The following INPP5D variants were observed in gnomAD, a reference collection of about 807,000 sequenced individuals.
INPP5D encodes phosphatidylinositol 3,4,5-trisphosphate 5-phosphatase 1.
Under a neutral mutation model 122.9 loss-of-function variants are expected in INPP5D, and 33 were observed. The observed-to-expected ratio is 0.27, with a 90% CI of 0.20 to 0.36. The LOEUF is 0.36. Among genes scored for constraint, INPP5D ranks in the 10% least tolerant of loss-of-function variants. The probability of loss-of-function intolerance (pLI) is 1.00; values close to 1 mark genes in which losing one functional copy is unlikely to be tolerated. For synonymous variants in INPP5D, 584 were observed against 576.2 expected (o/e 1.01, Z -0.19); for missense variants, 1,053 against 1,412.7 (o/e 0.75, Z 4.08).
intron 17 of INPP5D, among the ~76,000 whole-genome samples, chr2:233,176,404 G>A (rs1429074957): frequency 6.9e-6 from 1 of 144,624 alleles, no homozygotes. Flanking sequence ...TGGATGGATA[G>A]ATAGATGGAT....
At chr2:233,106,666 C>G (rs1692477266) in intron 2 of INPP5D, among the ~76,000 whole-genome samples, 1 of 152,232 alleles carries the variant, frequency 6.6e-6, no homozygotes, top group Admixed American at 6.5e-5. Flanking sequence ...GTGCAGAAAC[C>G]TTTCCCATAG....
intron 9 of INPP5D, among the ~76,000 whole-genome samples, chr2:233,155,899 A>G (rs191967772): frequency 6.6e-6 from 1 of 152,316 alleles, no homozygotes; most frequent in Admixed American, 6.5e-5. Context: ...AGCAAAAGAT[A>G]GATTACGCCC....
intron 1 of INPP5D, among the ~76,000 whole-genome samples, chr2:233,074,732 T>C (rs1691470855): frequency 6.6e-6 from 1 of 151,964 alleles, no homozygotes; most frequent in South Asian, 2.1e-4. Flanking sequence ...ACAAAAACAT[T>C]AGAAATTAGA....
chr2:233,107,597 A>C (rs1189039588), intron 2 of INPP5D, among the ~76,000 whole-genome samples: 1 of 152,164 alleles, frequency 6.6e-6, no homozygotes, highest in African/African-American at 2.4e-5. Flanking sequence ...GGCGAGAGGA[A>C]TGTCGAAGAA....
chr2:233,127,897 T>G (rs1693210074), intron 4 of INPP5D, among the ~76,000 whole-genome samples: 4 of 152,178 alleles, frequency 2.6e-5, no homozygotes, highest in Admixed American at 2.0e-4. Flanking sequence ...CATGAGCCAC[T>G]GTGCCCAGCC....
intron 2 of INPP5D, among the ~76,000 whole-genome samples, chr2:233,109,356 G>A (rs1207522700): frequency 6.6e-6 from 1 of 152,230 alleles, no homozygotes; most frequent in Non-Finnish European, 1.5e-5. Context: ...GGCTGCTGCA[G>A]TCACCTCACC....
intron 2 of INPP5D, among the ~76,000 whole-genome samples, chr2:233,109,642 G>A (rs949805191): frequency 1.3e-5 from 2 of 151,728 alleles, no homozygotes; most frequent in African/African-American, 2.4e-5. Context: ...ACAATGGCGC[G>A]ATCTCGGCTC....
At position 233,160,101 on chromosome 2, in the gene INPP5D, G is replaced by A. The variant is rs1253917404; in HGVS notation, c.1138-1623G>A. On this transcript the variant is annotated intron_variant, in intron 10 of 26. Transcript: ENST00000445964. This position sits in a 1 kb window ranked among gnomAD's most constrained non-coding sequence, Gnocchi z 4.2. ...AGGCACAGGGATAAATGGAGGCCAT[G>A]AATCTTGAGCCACTCCCAACTCGAG... Among the ~76,000 whole-genome samples, 1 of 152,192 alleles carries A rather than the reference G, an allele frequency of 6.6e-6. No individual in the cohort carries two copies. The highest frequency in any genetic ancestry group is 2.4e-5 in the African/African-American group (1 of 41,442).
At chr2:233,109,141 T>A (rs1395380957) in intron 2 of INPP5D, among the ~76,000 whole-genome samples, 6 of 152,240 alleles carry the variant, frequency 3.9e-5, no homozygotes, top group Non-Finnish European at 2.9e-5. Context: ...CTTGCTCTTC[T>A]GTGGATGGAA....
intron 9 of INPP5D, among the ~76,000 whole-genome samples, chr2:233,155,623 AAAATAAAT>A (rs1189446853): frequency 3.9e-5 from 4 of 101,638 alleles, no homozygotes; most frequent in African/African-American, 1.4e-4. Flanking sequence ...TCCATCTCAA[AAAATAAAT>A]AAATAAATAA....
intron 18 of INPP5D, among the ~76,000 whole-genome samples, chr2:233,178,195 G>A (rs1370662417): frequency 6.6e-6 from 1 of 152,156 alleles, no homozygotes; most frequent in Non-Finnish European, 1.5e-5. Flanking sequence ...TGCTCAATAG[G>A]CTGAGGGGGG....
intron 2 of INPP5D, among the ~76,000 whole-genome samples, chr2:233,080,509 G>A (rs1480190538): frequency 1.3e-5 from 2 of 152,062 alleles, no homozygotes; most frequent in Non-Finnish European, 2.9e-5. Context: ...ACTAGAGTAA[G>A]AGGCACAGCA....
At chr2:233,161,882 T>A (rs1345606802) in intron 11 of INPP5D, 56 bp downstream of exon 11, 1 of 1,559,884 alleles carries the variant, frequency 6.4e-7, no homozygotes, top group African/African-American at 1.4e-5. Context: ...CTTTCCTGAC[T>A]CAGGCATCCT....
chr2:233,120,257 G>A (rs1692930588), intron 2 of INPP5D, among the ~76,000 whole-genome samples: 1 of 152,204 alleles, frequency 6.6e-6, no homozygotes, highest in African/African-American at 2.4e-5. Context: ...GCTGAGGTGG[G>A]TGGATCACCT....
chr2:233,165,952 G>A (rs1694324024), intron 13 of INPP5D, among the ~76,000 whole-genome samples: 1 of 152,124 alleles, frequency 6.6e-6, no homozygotes, highest in Non-Finnish European at 1.5e-5. Context: ...TTGGTGGTTG[G>A]AGTCAGTGGA....
At chr2:233,067,274 G>A (rs1044966571) in intron 1 of INPP5D, among the ~76,000 whole-genome samples, 6 of 152,158 alleles carry the variant, frequency 3.9e-5, no homozygotes, top group Admixed American at 6.5e-5. Flanking sequence ...TATCTTTTCC[G>A]GATGTTTCAT....
In INPP5D at chr2:233,170,619, C is replaced by A. The variant is rs1188669465; in HGVS notation, c.1900+15C>A. 6.2e-7 allele frequency: 1 copy of A among 1,611,616 alleles called. No individual in the cohort carries two copies. The highest frequency in any genetic ancestry group is 8.5e-7 in the Non-Finnish European group (1 of 1,178,928). Reference sequence around the variant, plus strand: ...CCTACACTTCGGTAAGAGCAGCAACCCCGGCTGGGAGCGGTGGCTCACACC... The same window carrying A: ...CCTACACTTCGGTAAGAGCAGCAACACCGGCTGGGAGCGGTGGCTCACACC... On this transcript the variant is annotated intron_variant, in intron 16 of 26. Transcript: ENST00000445964. This position sits in a 1 kb window ranked among gnomAD's most constrained non-coding sequence, Gnocchi z 4.5.
At chr2:233,176,769 T>G (rs968831304) in intron 17 of INPP5D, among the ~76,000 whole-genome samples, 1 of 149,518 alleles carries the variant, frequency 6.7e-6, no homozygotes, top group Non-Finnish European at 1.5e-5. Context: ...GGTAGATAAG[T>G]GGATGGGTGG....
intron 2 of INPP5D, among the ~76,000 whole-genome samples, chr2:233,119,299 C>A (rs1341060842): frequency 6.6e-6 from 1 of 152,224 alleles, no homozygotes; most frequent in Non-Finnish European, 1.5e-5. Context: ...TTTCCATGCT[C>A]TTAATGGCTT....
Sources: allele counts gnomAD v4.1 joint callset (sites outside exome capture counted in the v4.1 genomes callset), GRCh38; gene constraint gnomAD v4.1.1; non-coding constraint Gnocchi (gnomAD v3.1); transcripts MANE v1.5; gene names NCBI Gene and HGNC (gene_info 2026-07-23, HGNC 2026-07-21).